RBFOX3: variants seen among roughly 807,000 people sequenced by gnomAD.
RBFOX3 encodes the protein RNA binding fox-1 homolog 3.
A neutral mutation model predicts 48.7 loss-of-function variants in RBFOX3; 17 were observed. The observed-to-expected ratio is 0.35, with a 90% CI of 0.24 to 0.52. RBFOX3 has a LOEUF of 0.52. Ranked by LOEUF, RBFOX3 falls within the 20% of genes least tolerant of loss-of-function variation. The probability of loss-of-function intolerance (pLI) is 0.94; values close to 1 mark genes in which losing one functional copy is unlikely to be tolerated. For missense variants in RBFOX3, 382 were observed against 497.5 expected, an observed-to-expected ratio of 0.77 and a Z score of 2.21; for synonymous variants, 212 against 209.5, an observed-to-expected ratio of 1.01 and a Z score of -0.10.
chr17:79,239,218 C>T (rs938236511), intron 3 of RBFOX3, among the ~76,000 whole-genome samples: 2 of 152,168 alleles, frequency 1.3e-5, no homozygotes, highest in South Asian at 2.1e-4. Flanking sequence ...CCCCACCTAC[C>T]CAATCCTGGG....
chr17:79,335,968 T>C (rs2081126628), intron 2 of RBFOX3, among the ~76,000 whole-genome samples: 2 of 152,220 alleles, frequency 1.3e-5, no homozygotes, highest in African/African-American at 4.8e-5. Flanking sequence ...TCGCTGTTTC[T>C]CACACCTGCC....
chr17:79,143,780 G>A (rs934390982), intron 4 of RBFOX3, among the ~76,000 whole-genome samples: 4 of 152,306 alleles, frequency 2.6e-5, no homozygotes, highest in East Asian at 1.9e-4. Context: ...TGGTGCCCTC[G>A]GAGCCCCTCC....
chr17:79,193,483 C>T (rs2054936020), intron 4 of RBFOX3, among the ~76,000 whole-genome samples: 2 of 152,120 alleles, frequency 1.3e-5, no homozygotes, highest in Non-Finnish European at 2.9e-5. Flanking sequence ...TTAGGATTTT[C>T]TCTAAACCCA....
intron 4 of RBFOX3, among the ~76,000 whole-genome samples, chr17:79,227,319 TC>T (rs966977347): frequency 6.6e-6 from 1 of 152,200 alleles, no homozygotes; most frequent in African/African-American, 2.4e-5. Context: ...CGGAGTGGTT[TC>T]CCCTTTTCCT....
intron 2 of RBFOX3, among the ~76,000 whole-genome samples, chr17:79,358,719 C>T (rs2085714094): frequency 6.6e-6 from 1 of 152,174 alleles, no homozygotes; most frequent in South Asian, 2.1e-4. Context: ...TCTTGGCCTC[C>T]CAAAGTGCTG....
intron 1 of RBFOX3, among the ~76,000 whole-genome samples, chr17:79,554,680 G>A (rs1483773113): frequency 6.6e-6 from 1 of 152,248 alleles, no homozygotes; most frequent in Non-Finnish European, 1.5e-5. Context: ...ACACATGGAA[G>A]GTTTTCAATA....
intron 1 of RBFOX3, among the ~76,000 whole-genome samples, chr17:79,563,778 G>A (rs1478452750): frequency 6.6e-6 from 1 of 152,158 alleles, no homozygotes; most frequent in African/African-American, 2.4e-5. Flanking sequence ...GTCTGAGGGC[G>A]TCTTGTCGCT....
At chr17:79,624,297 A>G in the RBFOX3 span, among the ~76,000 whole-genome samples, 2 of 151,646 alleles carry the variant, frequency 1.3e-5, no homozygotes, top group African/African-American at 4.9e-5. Context: ...TCTGCCATGG[A>G]CACACCTGCC....
rs1459712603 is a variant in RBFOX3 at position 79,477,137 on chromosome 17, G to A, written c.-175+5317C>T. 6.6e-6 allele frequency among the ~76,000 whole-genome samples: 1 copy of A among 151,628 alleles called. No individual in the cohort carries two copies. The highest frequency in any genetic ancestry group is 1.9e-4 in the East Asian group (1 of 5,146). On this transcript the variant is annotated intron_variant, in intron 2 of 14. Coordinates refer to ENST00000693108, the MANE Select transcript of RBFOX3 (RefSeq NM_001350451.2). This position sits in a 1 kb window ranked among gnomAD's most constrained non-coding sequence, Gnocchi z 4.8. ...AATCCCAGTTACTCGGGAAGCTGAG[G>A]CAGGAGAATCTCTTAAACCCAGGAG... is the stretch of plus-strand genomic sequence containing the variant.
the RBFOX3 span, among the ~76,000 whole-genome samples, chr17:79,659,010 G>C: frequency 6.6e-6 from 1 of 152,220 alleles, no homozygotes; most frequent in African/African-American, 2.4e-5. Flanking sequence ...GTGTGGTCCG[G>C]GCAGCTCTTC....
chr17:79,314,275 A>C (rs1401183122), intron 2 of RBFOX3, among the ~76,000 whole-genome samples: 1 of 152,176 alleles, frequency 6.6e-6, no homozygotes, highest in Admixed American at 6.5e-5. Flanking sequence ...AGGACCCCCA[A>C]ACCTGCTGAG....
Position 79,365,730 on chromosome 17 carries a change from C to A in RBFOX3, c.-174-57906G>T, listed in dbSNP as rs1051414383. 2.0e-5 allele frequency among the ~76,000 whole-genome samples: 3 copies of A among 152,228 alleles called. No homozygotes were observed. The South Asian group carries it at 6.2e-4, about 32-fold the overall frequency. On this transcript the variant is annotated intron_variant, in intron 2 of 14. Coordinates refer to ENST00000693108, the MANE Select transcript of RBFOX3 (RefSeq NM_001350451.2). ...ACAATGTAGATTAAATAGTTTTACC[C>A]CATATTCTATGGGGACGCTGCTATC...
At position 79,299,645 on chromosome 17, in the gene RBFOX3, A is replaced by AACGG. The variant is rs1899146718; in HGVS notation, c.-74+8075_-74+8078dup. Among the ~76,000 whole-genome samples, 1 of 152,178 alleles carries AACGG rather than the reference A, an allele frequency of 6.6e-6. No individual in the cohort carries two copies. The highest frequency in any genetic ancestry group is 2.4e-5 in the African/African-American group (1 of 41,442). On this transcript the variant is annotated intron_variant, in intron 3 of 14. Transcript: ENST00000693108. The surrounding 1 kb of genome is among the most constrained non-coding windows in gnomAD (Gnocchi z 4.5). ...TTGGAACTAACCCCCTGAGGATACC[A>AACGG]ACGGACAACTGTGTTTAGAGATATG...
chr17:79,655,086 A>C, the RBFOX3 span, among the ~76,000 whole-genome samples: 1 of 152,180 alleles, frequency 6.6e-6, no homozygotes, highest in Non-Finnish European at 1.5e-5. Context: ...GTAGATGAAC[A>C]CACCGGGCCG....
intron 4 of RBFOX3, among the ~76,000 whole-genome samples, chr17:79,233,385 G>A (rs2061258021): frequency 1.3e-5 from 2 of 152,162 alleles, no homozygotes; most frequent in African/African-American, 4.8e-5. Context: ...ATTACAAAGA[G>A]GCACAATGTA....
chr17:79,112,449 G>A (rs747772562), intron 5 of RBFOX3, among the ~76,000 whole-genome samples: 9 of 152,168 alleles, frequency 5.9e-5, no homozygotes, highest in African/African-American at 9.7e-5. Context: ...AAGAGGCCTC[G>A]TGGTTCCAGA....
chr17:79,492,781 G>A (rs949765362), intron 1 of RBFOX3, among the ~76,000 whole-genome samples: 2 of 152,348 alleles, frequency 1.3e-5, no homozygotes, highest in African/African-American at 4.8e-5. Context: ...CCACAGGCAT[G>A]GAGAAGAACG....
chr17:79,283,694 G>T (rs1029700176), intron 3 of RBFOX3, among the ~76,000 whole-genome samples: 1 of 152,326 alleles, frequency 6.6e-6, no homozygotes, highest in South Asian at 2.1e-4. Context: ...AGACCCTCTT[G>T]TTGGCAACAC....
chr17:79,229,090 G>C (rs1454579262), intron 4 of RBFOX3, among the ~76,000 whole-genome samples: 1 of 151,494 alleles, frequency 6.6e-6, no homozygotes, highest in East Asian at 1.9e-4. Context: ...GTAGCCAGGC[G>C]TGGTGGCATA....
Sources: gnomAD v4.1 joint callset for allele counts (sites outside exome capture counted in the v4.1 genomes callset) on GRCh38, gnomAD v4.1.1 for gene constraint, Gnocchi (gnomAD v3.1) non-coding constraint, MANE v1.5 for transcripts, NCBI Gene and HGNC (gene_info 2026-07-23, HGNC 2026-07-21) for gene names.